Variants in UNC5D observed in about 807,000 individuals in gnomAD.
The protein encoded by UNC5D is netrin receptor UNC5D.
UNC5D carries 39 observed loss-of-function variants against 105.4 expected under a neutral mutation model. The ratio of observed to expected loss-of-function variants is 0.37; its 90% CI spans 0.29 to 0.48. The LOEUF is 0.48. Among genes scored for constraint, UNC5D ranks in the 20% least tolerant of loss-of-function variants. The pLI is 0.98. For missense variants in UNC5D, 991 were observed against 1,202.4 expected, an observed-to-expected ratio of 0.82 and a Z score of 2.60; for synonymous variants, 452 against 450.4, an observed-to-expected ratio of 1.00 and a Z score of -0.04.
intron 16 of UNC5D, among the ~76,000 whole-genome samples, chr8:35,786,793 A>C (rs1272543049): frequency 6.6e-6 from 1 of 152,142 alleles, no homozygotes; most frequent in Non-Finnish European, 1.5e-5. Flanking sequence ...ATGGAAACCT[A>C]CTTTAGGTTA....
At chr8:35,364,244 C>T (rs552321554) in intron 1 of UNC5D, among the ~76,000 whole-genome samples, 2 of 131,686 alleles carry the variant, frequency 1.5e-5, no homozygotes, top group African/African-American at 5.6e-5. Flanking sequence ...ATGGTAAAGA[C>T]ATGCTTTCTC....
chr8:35,679,953 G>A (rs1479033468), intron 4 of UNC5D, among the ~76,000 whole-genome samples: 1 of 152,150 alleles, frequency 6.6e-6, no homozygotes, highest in African/African-American at 2.4e-5. Flanking sequence ...ACAGGACATG[G>A]CATCACATGG....
At chr8:35,565,688 T>C (rs572043377) in intron 2 of UNC5D, among the ~76,000 whole-genome samples, 7 of 152,306 alleles carry the variant, frequency 4.6e-5, no homozygotes, top group African/African-American at 1.4e-4. Context: ...TCTTCTAAAA[T>C]TTTTACAGCT....
intron 4 of UNC5D, among the ~76,000 whole-genome samples, chr8:35,630,852 T>G (rs1046347347): frequency 1.8e-4 from 27 of 152,304 alleles, no homozygotes; most frequent in African/African-American, 6.5e-4. Flanking sequence ...AAGCCATGCT[T>G]CTCCCAAGGG....
At chr8:35,722,089 A>G in intron 8 of UNC5D, 121 bp from the exon 9 acceptor site, 1 of 1,093,412 alleles carries the variant, frequency 9.1e-7, no homozygotes, top group Non-Finnish European at 1.3e-6. Flanking sequence ...TTCACTGTAC[A>G]TCTGTCATTG....
chr8:35,513,444 G>A (rs571259160), intron 1 of UNC5D, among the ~76,000 whole-genome samples: 3 of 151,922 alleles, frequency 2.0e-5, no homozygotes, highest in East Asian at 3.9e-4. Context: ...GGTCAGGCTG[G>A]TCTCAAACTC....
chr8:35,354,857 A>T, intron 1 of UNC5D, among the ~76,000 whole-genome samples: 1 of 152,234 alleles, frequency 6.6e-6, no homozygotes, highest in East Asian at 1.9e-4. Context: ...GTCTTCACTC[A>T]CATGTGCAGC....
chr8:35,669,731 A>G (rs1341993586), intron 4 of UNC5D, among the ~76,000 whole-genome samples: 1 of 152,148 alleles, frequency 6.6e-6, no homozygotes, highest in African/African-American at 2.4e-5. Flanking sequence ...AAATGTTTTC[A>G]GTGAATCTCT....
chr8:35,721,921 G>GA (rs1215720956), intron 8 of UNC5D, among the ~76,000 whole-genome samples: 7 of 152,138 alleles, frequency 4.6e-5, no homozygotes, highest in South Asian at 2.1e-4. Flanking sequence ...GCTCTTACTA[G>GA]AAAAAAACAT....
intron 4 of UNC5D, among the ~76,000 whole-genome samples, chr8:35,641,387 A>AAAAAAAAAAAAG (rs1563621898): frequency 2.2e-5 from 3 of 139,336 alleles, no homozygotes; most frequent in Non-Finnish European, 4.7e-5. Context: ...AAAAAAAAAG[A>AAAAAAAAAAAAG]AAAAAAAAAA....
At chr8:35,715,336 C>T (rs973973798) in intron 8 of UNC5D, among the ~76,000 whole-genome samples, 1 of 151,922 alleles carries the variant, frequency 6.6e-6, no homozygotes, top group Non-Finnish European at 1.5e-5. Flanking sequence ...TGAAAGGGCA[C>T]ACAAGGTACT....
chr8:35,645,482 T>C (rs567003015), intron 4 of UNC5D, among the ~76,000 whole-genome samples: 12 of 152,056 alleles, frequency 7.9e-5, no homozygotes, highest in Non-Finnish European at 1.5e-4. Context: ...ATAAGATTAC[T>C]TGAACCCACT....
intron 1 of UNC5D, among the ~76,000 whole-genome samples, chr8:35,283,697 G>A (rs1377292139): frequency 6.6e-6 from 1 of 152,048 alleles, no homozygotes; most frequent in East Asian, 1.9e-4. Flanking sequence ...CCAGCTACTT[G>A]GGAGGCTGAG....
chr8:35,722,475 C>T lies in UNC5D; in HGVS notation c.1303+80C>T, dbSNP rs1023832360. On this transcript the variant is annotated intron_variant, in intron 9 of 16. Coordinates refer to ENST00000404895, the MANE Select transcript of UNC5D (RefSeq NM_080872.4). ...CACTAGACCCCAGCCTTCTCCTGGG[C>T]CCTGTGTGAAGGTAGCTCTTGGCAC... is the stretch of plus-strand genomic sequence containing the variant. The T allele has an allele frequency of 2.3e-5, 35 of 1,505,558 alleles. No homozygotes were observed. The South Asian group carries it at 4.5e-4, about 19-fold the overall frequency. 93.3% of individuals were successfully genotyped at this position (1,505,558 alleles called of 1,614,324 possible).
At chr8:35,510,513 A>G (rs949784686) in intron 1 of UNC5D, among the ~76,000 whole-genome samples, 8 of 152,082 alleles carry the variant, frequency 5.3e-5, no homozygotes, top group African/African-American at 9.7e-5. Context: ...TTTAGCGACA[A>G]TAAGGCTTCA....
intron 3 of UNC5D, among the ~76,000 whole-genome samples, chr8:35,587,338 T>C (rs1818856162): frequency 6.6e-6 from 1 of 152,150 alleles, no homozygotes; most frequent in South Asian, 2.1e-4. Flanking sequence ...AATGAAAGTG[T>C]TATTTTAGCA....
At chr8:35,458,539 C>T (rs1015113865) in intron 1 of UNC5D, among the ~76,000 whole-genome samples, 5 of 152,080 alleles carry the variant, frequency 3.3e-5, no homozygotes, top group African/African-American at 9.7e-5. Context: ...AAAGAAAGCC[C>T]TCACTCTTGC....
intron 1 of UNC5D, among the ~76,000 whole-genome samples, chr8:35,396,760 A>C (rs1259050160): frequency 1.3e-5 from 2 of 150,284 alleles, no homozygotes; most frequent in Admixed American, 1.3e-4. Context: ...GGCCTCCCAA[A>C]GTGCTAGGAT....
chr8:35,461,669 A>T (rs775036307), intron 1 of UNC5D, among the ~76,000 whole-genome samples: 4 of 152,212 alleles, frequency 2.6e-5, no homozygotes, highest in Non-Finnish European at 5.9e-5. Context: ...AATGCAGTTT[A>T]TAAACACCAC....
Sources: gnomAD v4.1 joint callset for allele counts (sites outside exome capture counted in the v4.1 genomes callset) on GRCh38, gnomAD v4.1.1 for gene constraint, MANE v1.5 for transcripts, NCBI Gene and HGNC (gene_info 2026-07-23, HGNC 2026-07-21) for gene names.